FRMD4B: variants seen among roughly 807,000 people sequenced by gnomAD.
FRMD4B encodes FERM domain-containing protein 4B.
A neutral mutation model predicts 141.5 loss-of-function variants in FRMD4B; 74 were observed. The ratio of observed to expected loss-of-function variants is 0.52; its 90% confidence interval spans 0.43 to 0.63. FRMD4B has a LOEUF of 0.63. Ranked by LOEUF, FRMD4B falls within the 30% of genes least tolerant of loss-of-function variation. The pLI is 0.00. For missense variants in FRMD4B, 1,366 were observed against 1,253.4 expected (o/e 1.09, Z -1.36); for synonymous variants, 506 against 467.9 (o/e 1.08, Z -1.05).
chr3:69,191,443 C>CA (rs201240530), intron 17 of FRMD4B, among the ~76,000 whole-genome samples: 4,198 of 152,030 alleles, frequency 0.028, 206 homozygotes, highest in African/African-American at 0.096. Flanking sequence ...AAAAAACAAA[C>CA]AAAAAAACAA....
chr3:69,342,530 T>C (rs530167546), intron 1 of FRMD4B, among the ~76,000 whole-genome samples: 8 of 152,346 alleles, frequency 5.3e-5, no homozygotes, highest in African/African-American at 1.9e-4. Flanking sequence ...ATGAGACTAC[T>C]GCCATCATTT....
intron 2 of FRMD4B, among the ~76,000 whole-genome samples, chr3:69,406,681 A>G (rs1016542954): frequency 6.6e-6 from 1 of 152,156 alleles, no homozygotes; most frequent in Non-Finnish European, 1.5e-5. Context: ...ATAGCTGTCA[A>G]TAATGACTAT....
intron 22 of FRMD4B, among the ~76,000 whole-genome samples, chr3:69,174,599 C>T (rs1435159879): frequency 6.6e-6 from 1 of 152,124 alleles, no homozygotes; most frequent in African/African-American, 2.4e-5. Context: ...TAAATAGCTT[C>T]TAATTTCCTG....
chr3:69,439,358 G>A (rs944907830), intron 1 of FRMD4B, among the ~76,000 whole-genome samples: 38 of 152,128 alleles, frequency 2.5e-4, no homozygotes, highest in Non-Finnish European at 2.2e-4. Flanking sequence ...AGTTGTGAGA[G>A]GTGTTTGGGG....
intron 1 of FRMD4B, among the ~76,000 whole-genome samples, chr3:69,435,825 G>T (rs1216879514): frequency 6.6e-6 from 1 of 152,110 alleles, no homozygotes; most frequent in East Asian, 1.9e-4. Context: ...ATGAACACTG[G>T]AAAATCCCTT....
intron 2 of FRMD4B, among the ~76,000 whole-genome samples, chr3:69,393,054 C>A (rs1314761246): frequency 2.0e-5 from 3 of 152,106 alleles, no homozygotes; most frequent in African/African-American, 7.2e-5. Context: ...GACCAGCAGG[C>A]TGCTTAACTC....
intron 11 of FRMD4B, among the ~76,000 whole-genome samples, chr3:69,207,020 T>C (rs1052034619): frequency 5.3e-5 from 8 of 152,176 alleles, no homozygotes; most frequent in African/African-American, 1.7e-4. Flanking sequence ...AAAGAAACTT[T>C]GGACAAGCAC....
chr3:69,345,576 G>T (rs993594717), intron 1 of FRMD4B, among the ~76,000 whole-genome samples: 8 of 152,212 alleles, frequency 5.3e-5, no homozygotes, highest in African/African-American at 1.9e-4. Flanking sequence ...CTAACAGGGT[G>T]GCACCCCTCA....
At chr3:69,283,933 C>T (rs2093655307) in intron 5 of FRMD4B, among the ~76,000 whole-genome samples, 1 of 146,500 alleles carries the variant, frequency 6.8e-6, no homozygotes, top group Admixed American at 7.2e-5. Flanking sequence ...GTAACAGGGA[C>T]TGAATTTATC....
At chr3:69,410,092 A>G (rs1385204306) in intron 2 of FRMD4B, among the ~76,000 whole-genome samples, 3 of 152,186 alleles carry the variant, frequency 2.0e-5, no homozygotes, top group African/African-American at 7.2e-5. Flanking sequence ...ACAATTTCCT[A>G]GTGCACAGAA....
intron 4 of FRMD4B, among the ~76,000 whole-genome samples, chr3:69,291,910 C>CTTTTTTTTT (rs35703345): frequency 9.5e-6 from 1 of 105,536 alleles, no homozygotes; most frequent in Non-Finnish European, 1.9e-5. Flanking sequence ...ACAGGAATCT[C>CTTTTTTTTT]TTTTTTTTTT....
At chr3:69,196,568 T>G (rs1239776350) in intron 13 of FRMD4B, among the ~76,000 whole-genome samples, 172 bp from the exon 14 acceptor site, 2 of 149,740 alleles carry the variant, frequency 1.3e-5, no homozygotes, top group Admixed American at 6.7e-5. Context: ...ACCCCACAAG[T>G]AGTTAAAATG....
At chr3:69,207,307 TAAAAAA>T (rs11389016) in intron 11 of FRMD4B, among the ~76,000 whole-genome samples, 1 of 136,916 alleles carries the variant, frequency 7.3e-6, no homozygotes, top group Non-Finnish European at 1.5e-5. Flanking sequence ...CCTATGTCTT[TAAAAAA>T]AAAAAAAAAA....
intron 5 of FRMD4B, among the ~76,000 whole-genome samples, chr3:69,265,061 C>T (rs1409761723): frequency 2.2e-5 from 3 of 136,684 alleles, no homozygotes; most frequent in Non-Finnish European, 4.8e-5. Flanking sequence ...CGAGACCATC[C>T]TGGCTAACAC....
At chr3:69,374,477 A>G (rs1387868198) in intron 1 of FRMD4B, among the ~76,000 whole-genome samples, 2 of 152,238 alleles carry the variant, frequency 1.3e-5, no homozygotes, top group South Asian at 2.1e-4. Flanking sequence ...CATGATGCTT[A>G]TAATAACCAG....
intron 1 of FRMD4B, among the ~76,000 whole-genome samples, chr3:69,437,582 ATAT>A (rs1357739227): frequency 3.5e-5 from 5 of 141,086 alleles, no homozygotes; most frequent in Admixed American, 1.5e-4. Flanking sequence ...ATATATCAGT[ATAT>A]TATTTACAAT....
intron 1 of FRMD4B, chr3:69,333,993 A>G (rs1231132134): frequency 6.6e-6 from 1 of 152,236 alleles, no homozygotes; most frequent in African/African-American, 2.4e-5. Context: ...GCAAGGCTGA[A>G]AAAGGGTAAA....
intron 1 of FRMD4B, among the ~76,000 whole-genome samples, chr3:69,455,745 A>G (rs1705592865): frequency 6.6e-6 from 1 of 152,210 alleles, no homozygotes; most frequent in Non-Finnish European, 1.5e-5. Flanking sequence ...TTAACTACGA[A>G]TTTTATGCAA....
chr3:69,503,727 C>A (rs1706543591), intron 1 of FRMD4B, among the ~76,000 whole-genome samples: 1 of 152,120 alleles, frequency 6.6e-6, no homozygotes, highest in Admixed American at 6.5e-5. Flanking sequence ...CTTCTCCATG[C>A]CCCATCATGC....
Sources: gnomAD v4.1 joint callset for allele counts (sites outside exome capture counted in the v4.1 genomes callset) on GRCh38, gnomAD v4.1.1 for gene constraint, MANE v1.5 for transcripts, NCBI Gene and HGNC (gene_info 2026-07-23, HGNC 2026-07-21) for gene names.